The following HNRNPF variants were observed in gnomAD, a reference collection of about 807,000 sequenced individuals.
HNRNPF encodes HnRNP F protein.
In HNRNPF, 2 loss-of-function variants were observed where a neutral mutation model predicts 26.0. The observed-to-expected ratio is 0.08, with a 90% CI of 0.03 to 0.24. The LOEUF is 0.24. Among genes scored for constraint, HNRNPF ranks in the 10% least tolerant of loss-of-function variants. The pLI, the probability that HNRNPF is intolerant of heterozygous loss-of-function variation, is 1.00. For missense variants in HNRNPF, 299 were observed against 539.2 expected, an observed-to-expected ratio of 0.55 and a Z score of 4.41; for synonymous variants, 234 against 211.5, an observed-to-expected ratio of 1.11 and a Z score of -0.92.
At chr10:43,389,162 G>A (rs1322433265) in intron 3 of HNRNPF, among the ~76,000 whole-genome samples, 2 of 151,884 alleles carry the variant, frequency 1.3e-5, no homozygotes, top group African/African-American at 4.8e-5. Context: ...AGGAGATACG[G>A]GATTTCACCA....
intron 1 of HNRNPF, among the ~76,000 whole-genome samples, chr10:43,407,236 G>A (rs926906508): frequency 6.6e-6 from 1 of 151,218 alleles, no homozygotes; most frequent in Non-Finnish European, 1.5e-5. Flanking sequence ...AGCCGCCGCC[G>A]CCGCCCGTTG....
intron 1 of HNRNPF, among the ~76,000 whole-genome samples, chr10:43,407,310 C>G (rs1838953451): frequency 6.6e-6 from 1 of 151,862 alleles, no homozygotes; most frequent in Non-Finnish European, 1.5e-5. Context: ...GGCCCGAGCC[C>G]CCAGCGCCCG....
At chr10:43,398,490 C>G (rs775879911) in intron 1 of HNRNPF, among the ~76,000 whole-genome samples, 2 of 151,706 alleles carry the variant, frequency 1.3e-5, no homozygotes, top group Non-Finnish European at 2.9e-5. Flanking sequence ...TATAGGCGTG[C>G]GCTACCACAC....
At chr10:43,407,503 T>C (rs543295423) in intron 1 of HNRNPF, among the ~76,000 whole-genome samples, 1 of 151,452 alleles carries the variant, frequency 6.6e-6, no homozygotes, top group Non-Finnish European at 1.5e-5. Context: ...GCGAGTCGGG[T>C]GCCTTGCTCC....
In HNRNPF at chr10:43,386,486, G is replaced by T; in HGVS notation, c.*151C>A. The T allele has an allele frequency of 1.4e-6, 1 of 710,478 alleles. No homozygotes were observed. The highest frequency in any genetic ancestry group is 2.2e-6 in the Non-Finnish European group (1 of 448,792). The allele number at this position is 710,478 out of a possible 1,614,324, so 44.0% of individuals were successfully genotyped here. On this transcript the variant is annotated 3_prime_UTR_variant, in exon 4 of 4. Coordinates refer to ENST00000682386, the MANE Select transcript of HNRNPF (RefSeq NM_001098204.2). Reference sequence around the variant, plus strand: ...CATGCTAGAAGAAAATTTTGCATGAGAAAACACTGAAGAGGTAATTTTTTA... The same window carrying T: ...CATGCTAGAAGAAAATTTTGCATGATAAAACACTGAAGAGGTAATTTTTTA...
chr10:43,391,319 G>C (rs913310587), intron 3 of HNRNPF, among the ~76,000 whole-genome samples: 1 of 151,416 alleles, frequency 6.6e-6, no homozygotes, highest in East Asian at 1.9e-4. Context: ...TTACCTGGAC[G>C]TGGTGGTGGG....
intron 1 of HNRNPF, among the ~76,000 whole-genome samples, chr10:43,408,534 A>C (rs1234722628): frequency 6.6e-6 from 1 of 151,984 alleles, no homozygotes; most frequent in African/African-American, 2.4e-5. Flanking sequence ...CCTGATCCCA[A>C]ATCCCAGCCC....
intron 1 of HNRNPF, among the ~76,000 whole-genome samples, chr10:43,402,087 A>G (rs550918944): frequency 8.7e-4 from 133 of 152,326 alleles, no homozygotes; most frequent in Non-Finnish European, 1.1e-3. Context: ...TTAACAGGAA[A>G]AAAAGAGCAA....
intron 1 of HNRNPF, among the ~76,000 whole-genome samples, chr10:43,400,701 T>C (rs1564398435): frequency 6.6e-6 from 1 of 152,230 alleles, no homozygotes; most frequent in Non-Finnish European, 1.5e-5. Flanking sequence ...CACACATTTG[T>C]ACTTAACTTT....
chr10:43,399,571 G>T (rs1407472989), intron 1 of HNRNPF, among the ~76,000 whole-genome samples: 4 of 152,206 alleles, frequency 2.6e-5, no homozygotes, highest in Non-Finnish European at 4.4e-5. Flanking sequence ...GCATTTAATG[G>T]AATGTGGTGT....
In HNRNPF at chr10:43,387,561, G is replaced by C. The variant is rs758365491; in HGVS notation, c.324C>G (p.Ala108=). The C allele has an allele frequency of 3.2e-5, 51 of 1,614,038 alleles. No individual in the cohort carries two copies. Among genetic ancestry groups the C allele is most frequent in the Non-Finnish European group, 4.2e-5 (49 of 1,180,020 alleles). ...KHSGPNSADS[A]NDGFVRLRGL... is the part of the protein sequence containing the mutation. ...CTCGAAGCCGCACGAAGCCATCGTT[G>C]GCGCTGTCGGCACTGTTGGGACCAC... Residue 108 remains alanine, a synonymous_variant, in exon 4 of 4, where the codon GCC becomes GCG. Coordinates refer to ENST00000682386, the MANE Select transcript of HNRNPF (RefSeq NM_001098204.2). The surrounding 1 kb of genome is among the most constrained non-coding windows in gnomAD (Gnocchi z 6.0).
At chr10:43,388,966 ATT>A (rs141503011) in intron 3 of HNRNPF, among the ~76,000 whole-genome samples, 31,258 of 126,370 alleles carry the variant, frequency 0.25, 3,059 homozygotes, top group African/African-American at 0.31. Context: ...AGTATATGGA[ATT>A]TTTTTTTTTT....
At chr10:43,397,652 A>G (rs1422096479) in intron 1 of HNRNPF, among the ~76,000 whole-genome samples, 1 of 152,206 alleles carries the variant, frequency 6.6e-6, no homozygotes, top group African/African-American at 2.4e-5. Context: ...AAAATCTTTG[A>G]AAAAAAATTT....
intron 3 of HNRNPF, among the ~76,000 whole-genome samples, chr10:43,390,337 C>T (rs898542462): frequency 4.6e-5 from 7 of 152,178 alleles, no homozygotes; most frequent in Admixed American, 1.3e-4. Context: ...TGGTCTTGCT[C>T]CTCACTCATG....
At chr10:43,398,491 G>A (rs537415944) in intron 1 of HNRNPF, among the ~76,000 whole-genome samples, 21 of 150,078 alleles carry the variant, frequency 1.4e-4, no homozygotes, top group Admixed American at 8.0e-4. Flanking sequence ...ATAGGCGTGC[G>A]CTACCACACC....
rs766502001 is a variant in HNRNPF at position 43,386,930 on chromosome 10, T to C, written c.955A>G (p.Ile319Val). 16 of 1,614,014 alleles carry C rather than the reference T, an allele frequency of 9.9e-6. No homozygotes were observed. The highest frequency in any genetic ancestry group is 1.3e-5 in the Non-Finnish European group (15 of 1,180,022). ...FSPLNPVRVH[I>V]EIGPDGRVTG... The stretch of plus-strand genomic sequence containing the variant: ...ACTCTTCCATCTGGGCCAATCTCAA[T>C]ATGGACTCTCACAGGGTTGAGAGGA... The change falls in exon 4 of 4, where the codon ATT becomes GTT. Residue 319 changes from isoleucine (I) to valine (V), a missense_variant. Transcript: ENST00000682386.
chr10:43,408,653 C>T (rs916038740), intron 1 of HNRNPF: 2 of 152,304 alleles, frequency 1.3e-5, no homozygotes, highest in Non-Finnish European at 2.9e-5. Context: ...CCGTCCCCAC[C>T]CCCAGGGGGA....
In HNRNPF at chr10:43,389,808, C is replaced by T. The variant is rs149757537; in HGVS notation, c.-52-1872G>A. On this transcript the variant is annotated intron_variant, in intron 3 of 3. Transcript: ENST00000682386. The stretch of plus-strand genomic sequence containing the variant: ...GCCTAACTAAAAGATGTCACCCTTG[C>T]TAATGAGAGTGGAACATGGAAGCCT... 9.5e-4 allele frequency among the ~76,000 whole-genome samples: 145 copies of T among 152,328 alleles called. 1 individual carries two copies. The highest frequency in any genetic ancestry group is 3.3e-3 in the African/African-American group (139 of 41,568).
chr10:43,387,916 T>C lies in HNRNPF; in HGVS notation c.-32A>G, dbSNP rs750966695. The C allele has an allele frequency of 2.0e-6, 3 of 1,531,102 alleles. No individual in the cohort carries two copies. Among genetic ancestry groups the C allele is most frequent in the East Asian group, 4.6e-5 (2 of 43,846 alleles). The allele number at this position is 1,531,102 out of a possible 1,614,324, so 94.8% of individuals were successfully genotyped here. A position where few individuals can be genotyped will look rare whatever the true frequency, so the allele number is the denominator to read the frequency against. On this transcript the variant is annotated 5_prime_UTR_variant, in exon 4 of 4. Transcript: ENST00000682386. This position sits in a 1 kb window ranked among gnomAD's most constrained non-coding sequence, Gnocchi z 6.0. ...TTGTCAGGGTGGGTGTCAGGTGATC[T>C]TGGGTGTGGCTTTTTTGTGGCTGGA... is the stretch of plus-strand genomic sequence containing the variant.
Sources: allele counts gnomAD v4.1 joint callset (sites outside exome capture counted in the v4.1 genomes callset), GRCh38; gene constraint gnomAD v4.1.1; non-coding constraint Gnocchi (gnomAD v3.1); transcripts MANE v1.5; gene names NCBI Gene and HGNC (gene_info 2026-07-23, HGNC 2026-07-21).